RIMS2: variants seen among roughly 807,000 people sequenced by gnomAD.
RIMS2 encodes regulating synaptic membrane exocytosis 2.
RIMS2 carries 59 observed loss-of-function variants against 174.4 expected under a neutral mutation model. The ratio of observed to expected loss-of-function variants is 0.34; its 90% CI spans 0.27 to 0.42. The LOEUF (loss-of-function observed/expected upper bound fraction) is 0.42. RIMS2 is among the 10% of genes least tolerant of loss of function. RIMS2 has a pLI of 1.00. For synonymous variants in RIMS2, 606 were observed against 572.5 expected (o/e 1.06, Z -0.84); for missense variants, 1,620 against 1,666.3 (o/e 0.97, Z 0.48).
At chr8:104,201,875 C>G (rs1009664285) in intron 19 of RIMS2, among the ~76,000 whole-genome samples, 3 of 152,104 alleles carry the variant, frequency 2.0e-5, no homozygotes, top group African/African-American at 7.2e-5. Context: ...ATTCAGATGA[C>G]TCATTCAGCT....
chr8:103,912,151 A>G (rs763486546), exon 6 of RIMS2: 2 of 1,607,510 alleles, frequency 1.2e-6, no homozygotes, highest in South Asian at 2.2e-5. Flanking sequence ...CTCGAGATTC[A>G]GGAGCAATGC....
chr8:103,798,154 T>G (rs1036566099), intron 3 of RIMS2, among the ~76,000 whole-genome samples: 2 of 152,128 alleles, frequency 1.3e-5, no homozygotes, highest in Non-Finnish European at 2.9e-5. Context: ...AGTAGAAGAT[T>G]CTCTGTGTCA....
At chr8:104,214,057 G>A (rs992117430) in intron 19 of RIMS2, among the ~76,000 whole-genome samples, 3 of 152,112 alleles carry the variant, frequency 2.0e-5, no homozygotes, top group Non-Finnish European at 4.4e-5. Context: ...AGGAGATTGG[G>A]GTTTGAAATG....
intron 6 of RIMS2, among the ~76,000 whole-genome samples, chr8:103,913,168 C>T (rs1458605895): frequency 1.3e-5 from 2 of 149,792 alleles, no homozygotes; most frequent in Non-Finnish European, 3.0e-5. Context: ...TTAGTAGAGA[C>T]GGGGTTTCAC....
intron 3 of RIMS2, among the ~76,000 whole-genome samples, chr8:103,803,818 A>C (rs908583874): frequency 2.0e-5 from 3 of 152,188 alleles, no homozygotes; most frequent in South Asian, 4.1e-4. Context: ...TGAGTAGTAC[A>C]TCTCTGTCAG....
intron 1 of RIMS2, among the ~76,000 whole-genome samples, chr8:103,597,320 A>C (rs1397235723): frequency 6.6e-6 from 1 of 152,176 alleles, no homozygotes; most frequent in Non-Finnish European, 1.5e-5. Context: ...TCTCATGCAT[A>C]AGACAGCCAA....
chr8:104,108,613 CTT>C (rs2098121385), intron 19 of RIMS2, among the ~76,000 whole-genome samples: 1 of 151,974 alleles, frequency 6.6e-6, no homozygotes, highest in Non-Finnish European at 1.5e-5. Flanking sequence ...GTTACCTTTT[CTT>C]ATGGTTTTCT....
intron 19 of RIMS2, among the ~76,000 whole-genome samples, chr8:104,130,953 GAGA>G (rs1288170680): frequency 2.6e-5 from 4 of 152,220 alleles, no homozygotes; most frequent in African/African-American, 9.6e-5. Context: ...AGAGGGAAAA[GAGA>G]AGGAGGTGAA....
intron 14 of RIMS2, among the ~76,000 whole-genome samples, chr8:103,948,422 C>A (rs1161569804): frequency 6.6e-6 from 1 of 152,176 alleles, no homozygotes; most frequent in Admixed American, 6.5e-5. Flanking sequence ...TAGAAATAGT[C>A]CAAATATTCA....
chr8:103,801,368 T>C (rs1474861868), intron 3 of RIMS2, among the ~76,000 whole-genome samples: 1 of 152,246 alleles, frequency 6.6e-6, no homozygotes, highest in African/African-American at 2.4e-5. Context: ...CTTGAGCATA[T>C]GGATATTTTT....
intron 3 of RIMS2, among the ~76,000 whole-genome samples, chr8:103,793,216 C>G (rs2098517277): frequency 6.6e-6 from 1 of 152,136 alleles, no homozygotes; most frequent in Non-Finnish European, 1.5e-5. Context: ...AGCAGCACAT[C>G]TAAAAGCTTA....
chr8:104,019,362 T>G (rs2096022404), intron 19 of RIMS2, among the ~76,000 whole-genome samples: 1 of 152,224 alleles, frequency 6.6e-6, no homozygotes, highest in African/African-American at 2.4e-5. Context: ...CCTTTAATTT[T>G]GTCAAGTGTT....
At chr8:104,165,467 A>T (rs1442084627) in intron 19 of RIMS2, among the ~76,000 whole-genome samples, 2 of 151,976 alleles carry the variant, frequency 1.3e-5, no homozygotes. Flanking sequence ...GTAAAATGTC[A>T]TATAAATATA....
intron 19 of RIMS2, among the ~76,000 whole-genome samples, chr8:104,106,385 T>C (rs562684054): frequency 2.6e-5 from 4 of 152,336 alleles, no homozygotes; most frequent in African/African-American, 9.6e-5. Context: ...TTTTTACTGA[T>C]TAATTTCATT....
intron 19 of RIMS2, among the ~76,000 whole-genome samples, chr8:104,155,103 T>C (rs2098713558): frequency 6.6e-6 from 1 of 152,058 alleles, no homozygotes; most frequent in African/African-American, 2.4e-5. Flanking sequence ...TTTTTTGTTG[T>C]TTTTGTTTTG....
At chr8:103,847,662 C>T (rs921317238) in intron 3 of RIMS2, among the ~76,000 whole-genome samples, 2 of 151,958 alleles carry the variant, frequency 1.3e-5, no homozygotes, top group Non-Finnish European at 2.9e-5. Flanking sequence ...AATTACTGGC[C>T]TTTACAAGGT....
At chr8:103,623,052 A>G (rs2095672703) in intron 1 of RIMS2, among the ~76,000 whole-genome samples, 1 of 152,286 alleles carries the variant, frequency 6.6e-6, no homozygotes, top group South Asian at 2.1e-4. Flanking sequence ...GTTCCATAAG[A>G]CAGTCTCAAA....
intron 19 of RIMS2, among the ~76,000 whole-genome samples, chr8:104,103,190 T>TAA (rs5893677): frequency 3.3e-5 from 5 of 150,838 alleles, no homozygotes; most frequent in African/African-American, 7.3e-5. Flanking sequence ...GGAAAATCCT[T>TAA]AAAAAAAAAG....
intron 1 of RIMS2, among the ~76,000 whole-genome samples, chr8:103,694,014 G>A (rs1410218851): frequency 2.0e-5 from 3 of 152,086 alleles, no homozygotes; most frequent in Non-Finnish European, 4.4e-5. Flanking sequence ...GTCTTTTAGG[G>A]TGGAACTTGT....
Sources: allele counts gnomAD v4.1 joint callset (sites outside exome capture counted in the v4.1 genomes callset), GRCh38; gene constraint gnomAD v4.1.1; transcripts MANE v1.5; gene names NCBI Gene and HGNC (gene_info 2026-07-23, HGNC 2026-07-21).